The following KCNH1 variants were observed in gnomAD, a reference collection of about 807,000 sequenced individuals.
KCNH1 encodes the protein potassium voltage-gated channel subfamily H member 1.
Under a neutral mutation model 69.2 loss-of-function variants are expected in KCNH1, and 27 were observed. That is an observed-to-expected ratio of 0.39 (90% CI 0.29 to 0.54). KCNH1 has a LOEUF of 0.54. Among genes scored for constraint, KCNH1 ranks in the 20% least tolerant of loss-of-function variants. KCNH1 has a pLI of 0.68. For missense variants in KCNH1, 798 were observed against 1,261.6 expected (o/e 0.63, Z 5.57); for synonymous variants, 456 against 487.7 (o/e 0.93, Z 0.86).
intron 9 of KCNH1, among the ~76,000 whole-genome samples, chr1:210,788,616 G>C (rs1684147828): frequency 1.3e-5 from 2 of 149,138 alleles, no homozygotes; most frequent in East Asian, 4.0e-4. Flanking sequence ...ATCAGGTAAT[G>C]TGTGCACTAC....
At chr1:210,843,487 C>G (rs754666560) in intron 7 of KCNH1, among the ~76,000 whole-genome samples, 8 of 152,196 alleles carry the variant, frequency 5.3e-5, no homozygotes, top group Non-Finnish European at 8.8e-5. Context: ...TAACACTACT[C>G]TGGTATCAGT....
intron 6 of KCNH1, among the ~76,000 whole-genome samples, chr1:210,973,341 G>A (rs756124690): frequency 3.3e-5 from 5 of 151,836 alleles, no homozygotes; most frequent in Admixed American, 1.3e-4. Context: ...ACTATCTTTC[G>A]GTTAATGGAG....
chr1:211,010,878 T>G (rs1689378810), intron 6 of KCNH1, among the ~76,000 whole-genome samples: 1 of 152,170 alleles, frequency 6.6e-6, no homozygotes, highest in African/African-American at 2.4e-5. Context: ...GAAGTAGAAC[T>G]TGGATTGGCC....
chr1:210,759,156 G>GACACACACACACACACACACAC (rs60773247), intron 10 of KCNH1, among the ~76,000 whole-genome samples: 1,534 of 148,550 alleles, frequency 0.01, 36 homozygotes, highest in African/African-American at 0.036. Context: ...CCAAATGATA[G>GACACACACACACACACACACAC]ACACACACAC....
intron 6 of KCNH1, among the ~76,000 whole-genome samples, chr1:210,938,526 C>A (rs1375690648): frequency 6.6e-6 from 1 of 152,156 alleles, no homozygotes; most frequent in Non-Finnish European, 1.5e-5. Flanking sequence ...AGATAAAATT[C>A]CTTTAGTTTA....
intron 7 of KCNH1, among the ~76,000 whole-genome samples, chr1:210,917,207 C>CAGAG (rs140438633): frequency 9.1e-4 from 99 of 108,802 alleles, no homozygotes; most frequent in African/African-American, 2.3e-3. Context: ...AAGAAAGGGA[C>CAGAG]AGAGAGAGAG....
intron 7 of KCNH1, among the ~76,000 whole-genome samples, chr1:210,866,208 C>G (rs2102488337): frequency 6.6e-6 from 1 of 152,158 alleles, no homozygotes; most frequent in South Asian, 2.1e-4. Context: ...CTGAGTTAGG[C>G]AAAGCCTTTT....
Position 210,963,908 on chromosome 1 carries a change from C to G in KCNH1, c.1033-43839G>C, listed in dbSNP as rs1319002275. Among the ~76,000 whole-genome samples the G allele has an allele frequency of 2.6e-5, 4 of 152,162 alleles. No individual in the cohort carries two copies. In the South Asian group the frequency reaches 6.2e-4, roughly 24 times the overall value. ...GGAGAACTCCCCCAATAGAGCAAGA[C>G]AGGCCAACATTCAAATTCAGGAAAT... On this transcript the variant is annotated intron_variant, in intron 6 of 10. Transcript: ENST00000271751.
Position 210,917,223 on chromosome 1 carries a change from GAGAGAGAGAAAGAA to G in KCNH1, c.1462+2403_1462+2416del, listed in dbSNP as rs1327495090. ...AGAAAGGGACAGAGAGAGAGAGAGAGAGAGAGAGAAAGAAAGAAAGAAAGAAAGAAAGAAAGAAA... is the reference window on the plus strand; with the variant it reads ...AGAAAGGGACAGAGAGAGAGAGAGAGAGAAAGAAAGAAAGAAAGAAAGAAA... On this transcript the variant is annotated intron_variant, in intron 7 of 10. Coordinates refer to ENST00000271751, the MANE Select transcript of KCNH1 (RefSeq NM_172362.3). Among the ~76,000 whole-genome samples, 287 of 83,272 alleles carry G rather than the reference GAGAGAGAGAAAGAA, an allele frequency of 3.4e-3. 1 individual carries two copies. Among genetic ancestry groups the G allele is most frequent in the East Asian group, 0.015 (49 of 3,324 alleles). The allele number at this position is 83,272 out of a possible 152,430, so 54.6% of individuals were successfully genotyped here. A position where few individuals can be genotyped will look rare whatever the true frequency, so the allele number is the denominator to read the frequency against.
At chr1:211,072,747 G>A (rs1690670224) in intron 5 of KCNH1, among the ~76,000 whole-genome samples, 1 of 151,848 alleles carries the variant, frequency 6.6e-6, no homozygotes, top group Non-Finnish European at 1.5e-5. Context: ...TGCTAAGGAA[G>A]GAGAAAAAGT....
At chr1:210,820,963 G>A (rs911012224) in intron 7 of KCNH1, among the ~76,000 whole-genome samples, 3 of 152,148 alleles carry the variant, frequency 2.0e-5, no homozygotes, top group African/African-American at 7.2e-5. Context: ...AACTATAAGG[G>A]AATAAATTTG....
chr1:210,727,854 C>T (rs141808436), intron 10 of KCNH1, among the ~76,000 whole-genome samples: 2 of 152,312 alleles, frequency 1.3e-5, no homozygotes, highest in East Asian at 3.9e-4. Context: ...AGCACATCTC[C>T]TGTCTCTGCA....
chr1:210,915,574 C>T (rs1317397449), intron 7 of KCNH1, among the ~76,000 whole-genome samples: 2 of 111,286 alleles, frequency 1.8e-5, no homozygotes, highest in Non-Finnish European at 3.8e-5. Flanking sequence ...AGCTGGCTTG[C>T]CCCTGATCCA....
At chr1:211,067,001 C>CA (rs1226114248) in intron 5 of KCNH1, among the ~76,000 whole-genome samples, 2 of 145,048 alleles carry the variant, frequency 1.4e-5, no homozygotes, top group Non-Finnish European at 3.1e-5. Context: ...GGCTTCCTCA[C>CA]GGGGAAGGTT....
intron 7 of KCNH1, among the ~76,000 whole-genome samples, chr1:210,891,026 C>T (rs1438474786): frequency 2.0e-5 from 3 of 152,072 alleles, no homozygotes; most frequent in African/African-American, 7.2e-5. Flanking sequence ...TTGACCCAGC[C>T]ATCCCATTAC....
At position 211,048,897 on chromosome 1, in the gene KCNH1, G is replaced by A. The variant is rs191427467; in HGVS notation, c.559-29641C>T. ...GAAAAATATTACTTCAGGAGATTCC[G>A]GATGAGAATCAGGAAGTTTCAAGCC... On this transcript the variant is annotated intron_variant, in intron 5 of 10. Coordinates refer to ENST00000271751, the MANE Select transcript of KCNH1 (RefSeq NM_172362.3). Among the ~76,000 whole-genome samples, 163 of 152,258 alleles carry A rather than the reference G, an allele frequency of 1.1e-3. 1 individual carries two copies. The highest frequency in any genetic ancestry group is 3.9e-3 in the African/African-American group (160 of 41,556).
intron 7 of KCNH1, among the ~76,000 whole-genome samples, chr1:210,910,009 C>G (rs945349881): frequency 4.6e-5 from 7 of 152,128 alleles, no homozygotes; most frequent in Non-Finnish European, 4.4e-5. Flanking sequence ...AAATTTTCAT[C>G]AAATTGGCCT....
intron 7 of KCNH1, among the ~76,000 whole-genome samples, chr1:210,833,837 A>G (rs1329019866): frequency 6.6e-6 from 1 of 152,198 alleles, no homozygotes; most frequent in African/African-American, 2.4e-5. Flanking sequence ...CAAATTTACA[A>G]GAAAAAAACA....
intron 6 of KCNH1, among the ~76,000 whole-genome samples, chr1:211,018,036 C>G (rs1389125366): frequency 6.6e-6 from 1 of 152,082 alleles, no homozygotes; most frequent in Non-Finnish European, 1.5e-5. Flanking sequence ...AGCCTGGCAC[C>G]TCCTCTTCCT....
Sources: gnomAD v4.1 joint callset for allele counts (sites outside exome capture counted in the v4.1 genomes callset) on GRCh38, gnomAD v4.1.1 for gene constraint, MANE v1.5 for transcripts, NCBI Gene and HGNC (gene_info 2026-07-23, HGNC 2026-07-21) for gene names.